Variants in ABHD6 observed in about 807,000 individuals in gnomAD.
ABHD6 encodes abhydrolase domain containing 6, acylglycerol lipase.
Under a neutral mutation model 38.8 loss-of-function variants are expected in ABHD6, and 33 were observed. That is an observed-to-expected ratio of 0.85 (90% CI 0.64 to 1.14). The LOEUF is 1.14. Ranked by LOEUF, ABHD6 falls within the 50% of genes most tolerant of loss-of-function variation. ABHD6 has a pLI of 0.00. For missense variants in ABHD6, 380 were observed against 422.6 expected, an observed-to-expected ratio of 0.90 and a Z score of 0.88; for synonymous variants, 147 against 161.6, an observed-to-expected ratio of 0.91 and a Z score of 0.69.
In ABHD6 at chr3:58,269,426, A is replaced by T. The variant is rs1275118015; in HGVS notation, c.382A>T (p.Ile128Leu). The T allele has an allele frequency of 1.2e-6, 2 of 1,612,984 alleles. No individual in the cohort carries two copies. The highest frequency in any genetic ancestry group is 2.2e-5 in the East Asian group (1 of 44,874). The change falls in exon 5 of 10, where the codon ATA becomes TTA. Residue 128 changes from isoleucine (I) to leucine (L), a missense_variant. Coordinates refer to ENST00000478253, the MANE Select transcript of ABHD6 (RefSeq NM_001320126.2). This position sits in a 1 kb window ranked among gnomAD's most constrained non-coding sequence, Gnocchi z 4.4. Reference protein sequence around the residue: ...DLSIDGQVKRIHQFVECLKLN... With the variant: ...DLSIDGQVKRLHQFVECLKLN... ...GTCCATAGATGGGCAAGTTAAGAGG[A>T]TACACCAGGTAAGCAGGAGGCTCTA...
chr3:58,279,671 T>C (rs112416678), intron 7 of ABHD6, among the ~76,000 whole-genome samples: 14,209 of 152,252 alleles, frequency 0.093, 778 homozygotes, highest in African/African-American at 0.13. Flanking sequence ...ATTGATGCAG[T>C]TTCTTCATAG....
intron 3 of ABHD6, among the ~76,000 whole-genome samples, chr3:58,264,163 A>G (rs932055024): frequency 7.9e-5 from 12 of 152,212 alleles, no homozygotes; most frequent in African/African-American, 2.9e-4. Context: ...ATTCATGGAC[A>G]CTAAAGTTAG....
rs190305265 is a variant in ABHD6, at chr3:58,261,564, G to C, written c.119+4859G>C. The stretch of plus-strand genomic sequence containing the variant: ...ATTTTTGCGGTTTTTGTAGAGACAG[G>C]CTCAAACTCCTGGGCTCAAGCGATC... On this transcript the variant is annotated intron_variant, in intron 3 of 9. Transcript: ENST00000478253. Among the ~76,000 whole-genome samples, 731 of 152,174 alleles carry C rather than the reference G, an allele frequency of 4.8e-3. 5 individuals carry two copies. Among genetic ancestry groups the C allele is most frequent in the Non-Finnish European group, 5.2e-3 (355 of 67,992 alleles).
At chr3:58,282,990 A>C (rs1229223584) in intron 7 of ABHD6, among the ~76,000 whole-genome samples, 1 of 152,216 alleles carries the variant, frequency 6.6e-6, no homozygotes, top group African/African-American at 2.4e-5. Context: ...TGAAGAACCA[A>C]GAGAGGAGAG....
rs9822734 is a variant in ABHD6 at position 58,285,851 on chromosome 3, C to T, written c.837+398C>T. On this transcript the variant is annotated intron_variant, in intron 9 of 9. Coordinates refer to ENST00000478253, the MANE Select transcript of ABHD6 (RefSeq NM_001320126.2). The surrounding 1 kb of genome is among the most constrained non-coding windows in gnomAD (Gnocchi z 4.9). ...TTGAATATATTTCTTTTCTTTTTTT[C>T]GTTTGAGACGGAGTCTTGCTCTGTC... 0.78 allele frequency among the ~76,000 whole-genome samples: 118,937 copies of T among 151,972 alleles called. 47,268 individuals are homozygous for T. Among genetic ancestry groups the T allele is most frequent in the East Asian group, 1 (5,147 of 5,164 alleles).
chr3:58,277,784 A>G (rs1257994274), intron 7 of ABHD6, among the ~76,000 whole-genome samples: 1 of 152,168 alleles, frequency 6.6e-6, no homozygotes, highest in African/African-American at 2.4e-5. Context: ...GATATATTCC[A>G]TGAATACCTA....
intron 3 of ABHD6, among the ~76,000 whole-genome samples, chr3:58,260,040 A>G (rs947462587): frequency 1.8e-4 from 27 of 152,352 alleles, no homozygotes; most frequent in Admixed American, 9.2e-4. Flanking sequence ...TTGTGGTTAA[A>G]TAATATTCCA....
intron 1 of ABHD6, among the ~76,000 whole-genome samples, chr3:58,243,020 C>T (rs1043058905): frequency 3.3e-5 from 5 of 152,150 alleles, no homozygotes; most frequent in African/African-American, 1.2e-4. Flanking sequence ...TGGTTTCCAG[C>T]TTCATCCATG....
Position 58,293,741 on chromosome 3 carries a change from A to C in ABHD6, c.990A>C (p.Thr330=). The C allele has an allele frequency of 6.2e-7, 1 of 1,614,190 alleles. No homozygotes were observed. Residue 330 remains threonine, a synonymous_variant, in exon 10 of 10, where the codon ACA becomes ACC. Transcript: ENST00000478253. This position sits in a 1 kb window ranked among gnomAD's most constrained non-coding sequence, Gnocchi z 4.4. ...IIDFLASVHN[T]DNNKKLD ...ACTTTTTAGCTTCTGTGCACAACAC[A>C]GACAACAACAAGAAGCTGGACTGAG...
At chr3:58,276,078 G>A (rs966632087) in intron 7 of ABHD6, among the ~76,000 whole-genome samples, 10 of 152,116 alleles carry the variant, frequency 6.6e-5, no homozygotes, top group South Asian at 2.1e-4. Context: ...ATAAACATAC[G>A]TGTACATGTG....
rs1261741081 is a variant in ABHD6, at chr3:58,286,840, G to GTATA, written c.837+1388_837+1389insATAT. On this transcript the variant is annotated intron_variant, in intron 9 of 9. Coordinates refer to ENST00000478253, the MANE Select transcript of ABHD6 (RefSeq NM_001320126.2). ...ATCATATATGTGTGTGTGTGTGTGT[G>GTATA]TGTGTGTGTGTGTATATATATATAT... Among the ~76,000 whole-genome samples, 75 of 36,416 alleles carry GTATA rather than the reference G, an allele frequency of 2.1e-3. 1 individual carries two copies. The highest frequency in any genetic ancestry group is 8.4e-3 in the African/African-American group (71 of 8,438). 23.9% of individuals were successfully genotyped at this position (36,416 alleles called of 152,430 possible).
Position 58,256,572 on chromosome 3 carries a change from G to T in ABHD6, c.-15G>T. The T allele has an allele frequency of 1.3e-6, 2 of 1,598,950 alleles. No individual in the cohort carries two copies. Among genetic ancestry groups the T allele is most frequent in the East Asian group, 4.5e-5 (2 of 44,824 alleles). ...CTTTGGCCCCTGCAGGAGTCAGCCAGCCTGAAAGAGCAGGATGGATCTTGA... is the reference window on the plus strand; with the variant it reads ...CTTTGGCCCCTGCAGGAGTCAGCCATCCTGAAAGAGCAGGATGGATCTTGA... On this transcript the variant is annotated 5_prime_UTR_variant, in exon 3 of 10. Transcript: ENST00000478253. The surrounding 1 kb of genome is among the most constrained non-coding windows in gnomAD (Gnocchi z 4.3).
chr3:58,249,299 T>C (rs1192406937), intron 1 of ABHD6, among the ~76,000 whole-genome samples: 1 of 152,220 alleles, frequency 6.6e-6, no homozygotes, highest in East Asian at 1.9e-4. Flanking sequence ...ATGGTTTTAT[T>C]TTTTATATTT....
rs950074486 is a variant in ABHD6, at chr3:58,251,897, T to C, written c.-26+1955T>C. Reference sequence around the variant, plus strand: ...AGGTGATGTTTTAGGTTCTGGGAACTCTATTAGGAAAGAAGATTCTTGTGG... The same window carrying C: ...AGGTGATGTTTTAGGTTCTGGGAACCCTATTAGGAAAGAAGATTCTTGTGG... On this transcript the variant is annotated intron_variant, in intron 2 of 9. Transcript: ENST00000478253. This position sits in a 1 kb window ranked among gnomAD's most constrained non-coding sequence, Gnocchi z 5.4. 1.3e-5 allele frequency among the ~76,000 whole-genome samples: 2 copies of C among 152,224 alleles called. No homozygotes were observed. Among genetic ancestry groups the C allele is most frequent in the African/African-American group, 4.8e-5 (2 of 41,460 alleles).
At chr3:58,246,022 A>G (rs1055963725) in intron 1 of ABHD6, among the ~76,000 whole-genome samples, 1 of 152,194 alleles carries the variant, frequency 6.6e-6, no homozygotes, top group Non-Finnish European at 1.5e-5. Context: ...AGTCACTTAC[A>G]TGATGCTCTT....
chr3:58,261,470 CT>C (rs2097436906), intron 3 of ABHD6, among the ~76,000 whole-genome samples: 1 of 152,108 alleles, frequency 6.6e-6, no homozygotes, highest in South Asian at 2.1e-4. Flanking sequence ...ACCTCCCAGG[CT>C]CAAGTGATCC....
At chr3:58,270,382 G>A (rs1038200773) in intron 5 of ABHD6, among the ~76,000 whole-genome samples, 1 of 151,764 alleles carries the variant, frequency 6.6e-6, no homozygotes, top group Non-Finnish European at 1.5e-5. Flanking sequence ...GCTTTTGTCT[G>A]CAACAGCAGA....
intron 1 of ABHD6, among the ~76,000 whole-genome samples, chr3:58,244,060 G>C (rs1233914825): frequency 6.6e-6 from 1 of 152,180 alleles, no homozygotes; most frequent in Non-Finnish European, 1.5e-5. Context: ...CAACCCTGGT[G>C]GTCAGCCAGG....
Position 58,259,131 on chromosome 3 carries a change from C to T in ABHD6, c.119+2426C>T, listed in dbSNP as rs556656132. 6.0e-4 allele frequency among the ~76,000 whole-genome samples: 91 copies of T among 152,190 alleles called. No homozygotes were observed. Among genetic ancestry groups the T allele is most frequent in the Admixed American group, 1.5e-3 (23 of 15,282 alleles). On this transcript the variant is annotated intron_variant, in intron 3 of 9. Coordinates refer to ENST00000478253, the MANE Select transcript of ABHD6 (RefSeq NM_001320126.2). This position sits in a 1 kb window ranked among gnomAD's most constrained non-coding sequence, Gnocchi z 4.7. ...GAGAACACAATTCACTGATGTGGCTCGTAACCATGGATATGGTCACATACA... is the reference window on the plus strand; with the variant it reads ...GAGAACACAATTCACTGATGTGGCTTGTAACCATGGATATGGTCACATACA...
Sources: allele counts gnomAD v4.1 joint callset (sites outside exome capture counted in the v4.1 genomes callset), GRCh38; gene constraint gnomAD v4.1.1; non-coding constraint Gnocchi (gnomAD v3.1); transcripts MANE v1.5; gene names NCBI Gene and HGNC (gene_info 2026-07-23, HGNC 2026-07-21).